TUBB4B: variants seen among roughly 807,000 people sequenced by gnomAD.
The protein encoded by TUBB4B is tubulin beta 4B class IVb, also known as tubulin beta-4B chain.
In TUBB4B, 7 loss-of-function variants were observed where a neutral mutation model predicts 34.3. That is an observed-to-expected ratio of 0.20 (90% CI 0.12 to 0.38). The LOEUF is 0.38. Among genes scored for constraint, TUBB4B ranks in the 10% least tolerant of loss-of-function variants. The probability of loss-of-function intolerance (pLI) is 1.00; values close to 1 mark genes in which losing one functional copy is unlikely to be tolerated. For synonymous variants in TUBB4B, 390 were observed against 250.2 expected (o/e 1.56, Z -5.27); for missense variants, 178 against 610.9 (o/e 0.29, Z 7.47).
chr9:137,241,761 C>T lies in TUBB4B; in HGVS notation c.98C>T (p.Thr33Met). 6.2e-7 allele frequency: 1 copy of T among 1,612,236 alleles called. No individual in the cohort carries two copies. The highest frequency in any genetic ancestry group is 1.1e-5 in the South Asian group (1 of 91,078). Reference sequence around the variant, plus strand: ...AGCGATGAGCACGGCATCGACCCCACGGGCACCTACCACGGGGACAGCGAC... The same window carrying T: ...AGCGATGAGCACGGCATCGACCCCATGGGCACCTACCACGGGGACAGCGAC... ...VISDEHGIDP[T>M]GTYHGDSDLQ... The change falls in exon 2 of 4, where the codon ACG (threonine) becomes ATG (methionine). Residue 33 changes from threonine (T) to methionine (M), a missense_variant. Coordinates refer to ENST00000340384, the MANE Select transcript of TUBB4B (RefSeq NM_006088.6).
intron 3 of TUBB4B, 148 bp downstream of exon 3, chr9:137,242,169 C>G: frequency 1.2e-6 from 1 of 820,166 alleles, no homozygotes; most frequent in Non-Finnish European, 1.9e-6. Context: ...GCTTTGGGAG[C>G]AAGGTCCAGC....
At chr9:137,242,135 C>T (rs889501115) in intron 3 of TUBB4B, 114 bp downstream of exon 3, 6 of 1,049,332 alleles carry the variant, frequency 5.7e-6, no homozygotes, top group South Asian at 4.8e-5. Flanking sequence ...TTCTCTGAGC[C>T]ACTCAATCCC....
At position 137,242,878 on chromosome 9, in the gene TUBB4B, C is replaced by T. The variant is rs778485983; in HGVS notation, c.660C>T (p.Pro220=). 5 of 1,613,448 alleles carry T rather than the reference C, an allele frequency of 3.1e-6. No homozygotes were observed. Among genetic ancestry groups the T allele is most frequent in the African/African-American group, 1.3e-5 (1 of 75,060 alleles). Residue 220 remains proline (P), a synonymous_variant, in exon 4 of 4, where the codon CCC becomes CCT. Transcript: ENST00000340384. The part of the protein sequence containing the change: ...ICFRTLKLTT[P]TYGDLNHLVS... The stretch of plus-strand genomic sequence containing the variant: ...TCAGAACCCTAAAGCTGACCACGCC[C>T]ACCTATGGTGACCTGAACCACCTGG...
In TUBB4B at chr9:137,241,906, C is replaced by G. The variant is rs756767359; in HGVS notation, c.167-5C>G. ...GCCTTGGCTGACGCCCTCCCGTCCC[C>G]GCAGGCGGCAAGTACGTGCCCCGCG... is the stretch of plus-strand genomic sequence containing the variant. On this transcript the variant is annotated splice_polypyrimidine_tract_variant and splice_region_variant and intron_variant, in intron 2 of 3. Coordinates refer to ENST00000340384, the MANE Select transcript of TUBB4B (RefSeq NM_006088.6). 1 of 1,610,990 alleles carries G rather than the reference C, an allele frequency of 6.2e-7. No homozygotes were observed. Among genetic ancestry groups the G allele is most frequent in the Non-Finnish European group, 8.5e-7 (1 of 1,179,002 alleles).
At chr9:137,242,376 T>C (rs1483644879) in intron 3 of TUBB4B, 120 bp from the exon 4 acceptor site, 4 of 1,256,646 alleles carry the variant, frequency 3.2e-6, no homozygotes, top group Non-Finnish European at 4.4e-6. Context: ...GTCCGTTTGC[T>C]CTACCTCCAG....
At position 137,243,587 on chromosome 9, in the gene TUBB4B, C is replaced by CA; in HGVS notation, c.*32dup. On this transcript the variant is annotated 3_prime_UTR_variant, in exon 4 of 4. Transcript: ENST00000340384. ...TCAGTCACTGGGGAAAGCAGGGAAG[C>CA]AGTGTGAACTCTTTATTCACTCCCA... 2 of 1,613,528 alleles carry CA rather than the reference C, an allele frequency of 1.2e-6. No individual in the cohort carries two copies. The highest frequency in any genetic ancestry group is 1.7e-6 in the Non-Finnish European group (2 of 1,179,590).
rs1192411699 is a variant in TUBB4B at position 137,243,611 on chromosome 9, CAGCCTGTCCTGT to C, written c.*56_*67del. The C allele has an allele frequency of 6.2e-7, 1 of 1,613,348 alleles. No homozygotes were observed. On this transcript the variant is annotated 3_prime_UTR_variant, in exon 4 of 4. Coordinates refer to ENST00000340384, the MANE Select transcript of TUBB4B (RefSeq NM_006088.6). Reference sequence around the variant, plus strand: ...GCAGTGTGAACTCTTTATTCACTCCCAGCCTGTCCTGTGGCCTGTCCCACTGTGTGCACTTGC... The same window carrying C: ...GCAGTGTGAACTCTTTATTCACTCCCGGCCTGTCCCACTGTGTGCACTTGC...
chr9:137,242,048 C>A lies in TUBB4B; in HGVS notation c.277+27C>A, dbSNP rs769351011. ...TGAGCCGTGGCTGGGGACTGGGCGG[C>A]GGCTCAAAGGTCAAGGGGCTGCTCC... On this transcript the variant is annotated intron_variant, in intron 3 of 3. Coordinates refer to ENST00000340384, the MANE Select transcript of TUBB4B (RefSeq NM_006088.6). 24 of 1,604,196 alleles carry A rather than the reference C, an allele frequency of 1.5e-5. No homozygotes were observed. The Admixed American group carries it at 2.5e-4, about 17-fold the overall frequency.
Position 137,243,226 on chromosome 9 carries a change from A to G in TUBB4B, c.1008A>G (p.Lys336=), listed in dbSNP as rs775971810. The G allele has an allele frequency of 3.1e-6, 5 of 1,613,240 alleles. No homozygotes were observed. The South Asian group carries it at 3.3e-5, about 11-fold the overall frequency. Residue 336 remains lysine (K), a synonymous_variant, in exon 4 of 4, where the codon AAA becomes AAG. Transcript: ENST00000340384. ...VDEQMLNVQN[K]NSSYFVEWIP... ...AGCAAATGCTTAATGTCCAAAACAA[A>G]AACAGCAGCTATTTTGTTGAGTGGA...
In TUBB4B at chr9:137,242,093, C is replaced by T. The variant is rs565864161; in HGVS notation, c.277+72C>T. ...TGCTCCAAGGGCACCGCCGTGGGAA[C>T]TGCGCAGCCGGGGCCCCTGGACGCC... On this transcript the variant is annotated intron_variant, in intron 3 of 3. Transcript: ENST00000340384. The T allele has an allele frequency of 5.4e-6, 8 of 1,482,958 alleles. No individual in the cohort carries two copies. In the Admixed American group the frequency reaches 1.3e-4, roughly 23 times the overall value. The allele number at this position is 1,482,958 out of a possible 1,614,324, so 91.9% of individuals were successfully genotyped here. A position where few individuals can be genotyped will look rare whatever the true frequency, so the allele number is the denominator to read the frequency against.
Position 137,241,966 on chromosome 9 carries a change from C to T in TUBB4B, c.222C>T (p.Asp74=). 1.2e-6 allele frequency: 2 copies of T among 1,611,292 alleles called. No individual in the cohort carries two copies. The highest frequency in any genetic ancestry group is 2.2e-5 in the East Asian group (1 of 44,874). Residue 74 remains aspartate, a synonymous_variant, in exon 3 of 4, where the codon GAC becomes GAT. Transcript: ENST00000340384. ...VLVDLEPGTM[D]SVRSGPFGQI... Reference sequence around the variant, plus strand: ...TGGATCTGGAGCCCGGCACCATGGACTCCGTGCGCTCGGGGCCCTTCGGGC... The same window carrying T: ...TGGATCTGGAGCCCGGCACCATGGATTCCGTGCGCTCGGGGCCCTTCGGGC...
Position 137,242,857 on chromosome 9 carries a change from A to T in TUBB4B, c.639A>T (p.Arg213Ser). 6.2e-7 allele frequency: 1 copy of T among 1,613,632 alleles called. No homozygotes were observed. The highest frequency in any genetic ancestry group is 8.5e-7 in the Non-Finnish European group (1 of 1,180,022). ...DNEALYDICFRTLKLTTPTYG... is the reference protein window; with the variant it reads ...DNEALYDICFSTLKLTTPTYG... ...AAGCTCTCTACGACATTTGCTTCAG[A>T]ACCCTAAAGCTGACCACGCCCACCT... The change falls in exon 4 of 4, where the codon AGA becomes AGT. Residue 213 changes from arginine (R) to serine (S), a missense_variant. Arg to Ser is a moderately radical substitution (Grantham distance 110). Coordinates refer to ENST00000340384, the MANE Select transcript of TUBB4B (RefSeq NM_006088.6).
intron 1 of TUBB4B, 95 bp downstream of exon 1, chr9:137,241,512 C>T (rs1383137037): frequency 6.4e-6 from 7 of 1,101,580 alleles, no homozygotes; most frequent in African/African-American, 1.7e-5. Context: ...GGCGGCGCCC[C>T]CGCATTGCGG....
Position 137,243,578 on chromosome 9 carries a change from G to C in TUBB4B, c.*22G>C. ...CTAGAGCCTTCAGTCACTGGGGAAA[G>C]CAGGGAAGCAGTGTGAACTCTTTAT... is the stretch of plus-strand genomic sequence containing the variant. On this transcript the variant is annotated 3_prime_UTR_variant, in exon 4 of 4. Coordinates refer to ENST00000340384, the MANE Select transcript of TUBB4B (RefSeq NM_006088.6). 1.9e-6 allele frequency: 3 copies of C among 1,613,618 alleles called. No homozygotes were observed. Among genetic ancestry groups the C allele is most frequent in the South Asian group, 2.2e-5 (2 of 91,080 alleles).
At position 137,243,163 on chromosome 9, in the gene TUBB4B, C is replaced by T. The variant is rs781115984; in HGVS notation, c.945C>T (p.Ala315=). 5.1e-5 allele frequency: 82 copies of T among 1,612,956 alleles called. No individual in the cohort carries two copies. The highest frequency in any genetic ancestry group is 1.3e-4 in the East Asian group (6 of 44,904). ...PRHGRYLTVA[A]VFRGRMSMKE... Reference sequence around the variant, plus strand: ...ATGGCCGCTACCTGACGGTTGCCGCCGTGTTCAGGGGCCGCATGTCCATGA... The same window carrying T: ...ATGGCCGCTACCTGACGGTTGCCGCTGTGTTCAGGGGCCGCATGTCCATGA... Residue 315 remains alanine (A), a synonymous_variant, in exon 4 of 4, where the codon GCC becomes GCT. Coordinates refer to ENST00000340384, the MANE Select transcript of TUBB4B (RefSeq NM_006088.6).
At position 137,242,575 on chromosome 9, in the gene TUBB4B, T is replaced by C. The variant is rs1197226915; in HGVS notation, c.357T>C (p.Val119=). 3.1e-6 allele frequency: 5 copies of C among 1,613,796 alleles called. No homozygotes were observed. Among genetic ancestry groups the C allele is most frequent in the Non-Finnish European group, 4.2e-6 (5 of 1,180,010 alleles). ...GAELVDSVLD[V]VRKEAESCDC... ...AGCTGGTGGACTCGGTGCTGGATGTTGTGAGAAAGGAGGCTGAGAGCTGTG... is the reference window on the plus strand; with the variant it reads ...AGCTGGTGGACTCGGTGCTGGATGTCGTGAGAAAGGAGGCTGAGAGCTGTG... Residue 119 remains valine (V), a synonymous_variant, in exon 4 of 4, where the codon GTT becomes GTC. Transcript: ENST00000340384.
rs781292249 is a variant in TUBB4B, at chr9:137,242,039, A to T, written c.277+18A>T. ...CGTTTTCGGTGAGCCGTGGCTGGGG[A>T]CTGGGCGGCGGCTCAAAGGTCAAGG... On this transcript the variant is annotated intron_variant, in intron 3 of 3. Coordinates refer to ENST00000340384, the MANE Select transcript of TUBB4B (RefSeq NM_006088.6). The T allele has an allele frequency of 6.2e-7, 1 of 1,607,916 alleles. No individual in the cohort carries two copies. The highest frequency in any genetic ancestry group is 8.5e-7 in the Non-Finnish European group (1 of 1,178,342).
At position 137,241,320 on chromosome 9, in the gene TUBB4B, TG is replaced by T. The variant is rs1836733652; in HGVS notation, c.-40del. 6.3e-7 allele frequency: 1 copy of T among 1,586,316 alleles called. No homozygotes were observed. Among genetic ancestry groups the T allele is most frequent in the Non-Finnish European group, 8.5e-7 (1 of 1,172,624 alleles). ...GCGCGCCCGCTCTTCTGCTGCTGTT[TG>T]TCTACTTCCTCCTGCTTCCCCGCCG... On this transcript the variant is annotated 5_prime_UTR_variant, in exon 1 of 4. Coordinates refer to ENST00000340384, the MANE Select transcript of TUBB4B (RefSeq NM_006088.6).
Position 137,241,316 on chromosome 9 carries a change from T to G in TUBB4B, c.-45T>G. ...CTCTGCGCGCCCGCTCTTCTGCTGC[T>G]GTTTGTCTACTTCCTCCTGCTTCCC... is the stretch of plus-strand genomic sequence containing the variant. On this transcript the variant is annotated 5_prime_UTR_variant, in exon 1 of 4. Transcript: ENST00000340384. 1.9e-6 allele frequency: 3 copies of G among 1,581,440 alleles called. No homozygotes were observed. The highest frequency in any genetic ancestry group is 1.1e-5 in the South Asian group (1 of 89,500).
Sources: allele counts gnomAD v4.1 joint callset, GRCh38; gene constraint gnomAD v4.1.1; transcripts MANE v1.5; gene names NCBI Gene and HGNC (gene_info 2026-07-23, HGNC 2026-07-21).